Variants in NPAS3 observed in about 807,000 individuals in gnomAD.
NPAS3 encodes the protein neuronal PAS domain-containing protein 3.
A neutral mutation model predicts 73.1 loss-of-function variants in NPAS3; 14 were observed. The observed-to-expected ratio is 0.19, with a 90% CI of 0.13 to 0.30. The LOEUF is 0.30. NPAS3 is among the 10% of genes least tolerant of loss of function. The pLI, the probability that NPAS3 is intolerant of heterozygous loss-of-function variation, is 1.00. For missense variants in NPAS3, 1,096 were observed against 1,250.0 expected (o/e 0.88, Z 1.86); for synonymous variants, 620 against 541.5 (o/e 1.14, Z -2.01).
chr14:33,772,245 C>T (rs757893653), intron 7 of NPAS3, among the ~76,000 whole-genome samples: 2 of 152,156 alleles, frequency 1.3e-5, no homozygotes, highest in African/African-American at 4.8e-5. Context: ...GAAATTGAGA[C>T]ACAGAGAGGC....
intron 2 of NPAS3, among the ~76,000 whole-genome samples, chr14:33,177,071 T>TTTTTTATTATTATTATTATTA (rs1174345534): frequency 7.2e-6 from 1 of 138,336 alleles, no homozygotes; most frequent in Non-Finnish European, 1.5e-5. Flanking sequence ...TGTTTATCTT[T>TTTTTTATTATTATTATTATTA]TTATTATTAT....
chr14:33,045,260 G>A (rs2040470706), intron 1 of NPAS3, among the ~76,000 whole-genome samples: 1 of 152,116 alleles, frequency 6.6e-6, no homozygotes, highest in East Asian at 1.9e-4. Flanking sequence ...CCTGAACTAG[G>A]AAAAGGAGTT....
intron 2 of NPAS3, among the ~76,000 whole-genome samples, chr14:33,184,993 G>A (rs1405473175): frequency 2.6e-5 from 4 of 152,088 alleles, no homozygotes; most frequent in African/African-American, 9.7e-5. Flanking sequence ...CTGTTATCCA[G>A]TTGGCTTTAA....
At chr14:33,603,041 A>T (rs2057449144) in intron 5 of NPAS3, among the ~76,000 whole-genome samples, 1 of 152,250 alleles carries the variant, frequency 6.6e-6, no homozygotes, top group African/African-American at 2.4e-5. Flanking sequence ...GCTACAATGA[A>T]GAGATATGTT....
chr14:33,009,368 T>C (rs1290978181), intron 1 of NPAS3, among the ~76,000 whole-genome samples: 3 of 152,068 alleles, frequency 2.0e-5, no homozygotes, highest in African/African-American at 7.2e-5. Flanking sequence ...CTTGAGAGAA[T>C]TGTGTCTTGA....
chr14:33,100,171 A>G (rs2042541481), intron 2 of NPAS3, among the ~76,000 whole-genome samples: 1 of 151,892 alleles, frequency 6.6e-6, no homozygotes, highest in African/African-American at 2.4e-5. Flanking sequence ...GACTTTGTTT[A>G]TAAGCAACCT....
In NPAS3 at chr14:33,789,496, T is replaced by C. The variant is rs193112674; in HGVS notation, c.1154-4401T>C. Among the ~76,000 whole-genome samples the C allele has an allele frequency of 4.1e-4, 62 of 152,102 alleles. No homozygotes were observed. The East Asian group carries it at 0.012, about 29-fold the overall frequency. ...TATGCAAGTGTATTTATCCTCTCTA[T>C]GTCTTCAGGTTTACTTTGTCAAATC... is the stretch of plus-strand genomic sequence containing the variant. On this transcript the variant is annotated intron_variant, in intron 9 of 11. Transcript: ENST00000356141.
intron 3 of NPAS3, among the ~76,000 whole-genome samples, chr14:33,247,338 T>A (rs369501733): frequency 2.0e-5 from 3 of 152,214 alleles, no homozygotes; most frequent in African/African-American, 7.2e-5. Context: ...CTCAAATAGC[T>A]GATTATGAAT....
chr14:33,379,596 C>T (rs932116923), intron 4 of NPAS3, among the ~76,000 whole-genome samples: 2 of 152,178 alleles, frequency 1.3e-5, no homozygotes, highest in Admixed American at 1.3e-4. Context: ...TATCTTGGAC[C>T]CAAAACTCAG....
chr14:33,136,608 T>C (rs1241346672), intron 2 of NPAS3, among the ~76,000 whole-genome samples: 1 of 152,196 alleles, frequency 6.6e-6, no homozygotes, highest in African/African-American at 2.4e-5. Flanking sequence ...GTTGTATAGC[T>C]AGTCAACAGC....
intron 3 of NPAS3, among the ~76,000 whole-genome samples, chr14:33,360,503 A>G (rs2140387597): frequency 6.6e-6 from 1 of 152,298 alleles, no homozygotes; most frequent in South Asian, 2.1e-4. Context: ...TCACTGTATA[A>G]AGGGAATTAA....
chr14:33,408,374 C>G (rs2047760721), intron 4 of NPAS3, among the ~76,000 whole-genome samples: 1 of 152,100 alleles, frequency 6.6e-6, no homozygotes, highest in African/African-American at 2.4e-5. Context: ...CTGATTCCAC[C>G]TTGTCATAAC....
chr14:33,602,293 C>T (rs753435652), intron 5 of NPAS3, among the ~76,000 whole-genome samples: 2 of 152,232 alleles, frequency 1.3e-5, no homozygotes, highest in Non-Finnish European at 2.9e-5. Flanking sequence ...GACCTGAAAA[C>T]AGTGCCTGTT....
intron 2 of NPAS3, among the ~76,000 whole-genome samples, chr14:33,081,547 G>A (rs907036931): frequency 6.6e-6 from 1 of 152,130 alleles, no homozygotes; most frequent in African/African-American, 2.4e-5. Context: ...CTTCTATGTC[G>A]TCAAGTGGGA....
chr14:33,264,968 A>G (rs2049116536), intron 3 of NPAS3, among the ~76,000 whole-genome samples: 1 of 152,202 alleles, frequency 6.6e-6, no homozygotes, highest in Non-Finnish European at 1.5e-5. Context: ...GTAACTGGTC[A>G]TATTTCTTGA....
chr14:33,317,222 C>G (rs544231037), intron 3 of NPAS3, among the ~76,000 whole-genome samples: 29 of 152,158 alleles, frequency 1.9e-4, no homozygotes, highest in African/African-American at 6.7e-4. Flanking sequence ...ATAACATTAG[C>G]TTTTCCATGG....
chr14:33,398,972 A>G (rs1453449978), intron 4 of NPAS3, among the ~76,000 whole-genome samples: 1 of 152,088 alleles, frequency 6.6e-6, no homozygotes, highest in Non-Finnish European at 1.5e-5. Flanking sequence ...ACACTTTCCC[A>G]CTGTGACAAT....
intron 5 of NPAS3, among the ~76,000 whole-genome samples, chr14:33,635,297 T>C (rs2058483781): frequency 6.6e-6 from 1 of 152,012 alleles, no homozygotes; most frequent in South Asian, 2.1e-4. Context: ...TTCAGAGAAA[T>C]AGGACATATG....
intron 2 of NPAS3, among the ~76,000 whole-genome samples, chr14:33,072,111 A>T (rs1376561364): frequency 6.6e-6 from 1 of 152,136 alleles, no homozygotes; most frequent in Non-Finnish European, 1.5e-5. Context: ...GTCTGGTCTC[A>T]AACTCCTGAT....
Sources: gnomAD v4.1 joint callset for allele counts (sites outside exome capture counted in the v4.1 genomes callset) on GRCh38, gnomAD v4.1.1 for gene constraint, MANE v1.5 for transcripts, NCBI Gene and HGNC (gene_info 2026-07-23, HGNC 2026-07-21) for gene names.